The following GABRA1 variants were observed in gnomAD, a reference collection of about 807,000 sequenced individuals.
GABRA1 encodes the protein gamma-aminobutyric acid receptor subunit alpha-1.
A neutral mutation model predicts 48.9 loss-of-function variants in GABRA1; 9 were observed. The ratio of observed to expected loss-of-function variants is 0.18; its 90% CI spans 0.11 to 0.32. GABRA1 has a LOEUF of 0.32. Among genes scored for constraint, GABRA1 ranks in the 10% least tolerant of loss-of-function variants. The pLI, the probability that GABRA1 is intolerant of heterozygous loss-of-function variation, is 1.00. For missense variants in GABRA1, 285 were observed against 553.8 expected (o/e 0.51, Z 4.87); for synonymous variants, 210 against 198.7 (o/e 1.06, Z -0.48).
intron 9 of GABRA1, 33 bp downstream of exon 9, chr5:161,895,901 A>G (rs1418471471): frequency 6.5e-7 from 1 of 1,542,378 alleles, no homozygotes; most frequent in Non-Finnish European, 9.0e-7. Flanking sequence ...TAGTACATCA[A>G]TATTATGTCT....
At chr5:161,894,536 T>G (rs767700379) in intron 8 of GABRA1, among the ~76,000 whole-genome samples, 7 of 152,158 alleles carry the variant, frequency 4.6e-5, no homozygotes, top group Non-Finnish European at 1.0e-4. Flanking sequence ...TCCTACAGGT[T>G]AAATCACTTA....
chr5:161,892,939 G>A (rs1255874883), intron 8 of GABRA1, among the ~76,000 whole-genome samples: 1 of 151,056 alleles, frequency 6.6e-6, no homozygotes, highest in East Asian at 1.9e-4. Flanking sequence ...TGGAGGTGCA[G>A]CTAGCAGTGA....
At chr5:161,882,466 T>C (rs1754658110) in intron 6 of GABRA1, 92 bp from the exon 7 acceptor site, 2 of 1,204,608 alleles carry the variant, frequency 1.7e-6, no homozygotes, top group Non-Finnish European at 2.5e-6. Flanking sequence ...GGAACCATGA[T>C]ATAGAAAATA....
chr5:161,884,886 C>A (rs1754776658), intron 7 of GABRA1, among the ~76,000 whole-genome samples: 1 of 152,100 alleles, frequency 6.6e-6, no homozygotes, highest in East Asian at 1.9e-4. Context: ...GAGGCTTAGT[C>A]AAAATAATGG....
chr5:161,874,908 T>C lies in GABRA1; in HGVS notation c.477-652T>C, dbSNP rs1400051569. Among the ~76,000 whole-genome samples, 4 of 152,072 alleles carry C rather than the reference T, an allele frequency of 2.6e-5. 1 individual carries two copies. The East Asian group carries it at 7.7e-4, about 29-fold the overall frequency. On this transcript the variant is annotated intron_variant, in intron 5 of 9. Coordinates refer to ENST00000393943, the MANE Select transcript of GABRA1 (RefSeq NM_001127644.2). ...AAAAAAAAACAAAACAAAACAAGAATAGATTTCACATCCACAGAACATCCC... is the reference window on the plus strand; with the variant it reads ...AAAAAAAAACAAAACAAAACAAGAACAGATTTCACATCCACAGAACATCCC...
At chr5:161,868,338 C>T (rs1370173352) in intron 4 of GABRA1, among the ~76,000 whole-genome samples, 2 of 152,016 alleles carry the variant, frequency 1.3e-5, no homozygotes, top group Admixed American at 1.3e-4. Flanking sequence ...TGGAAGAGCA[C>T]AGGAGAATTT....
chr5:161,852,671 C>A (rs1167773137), intron 2 of GABRA1, among the ~76,000 whole-genome samples: 1 of 151,642 alleles, frequency 6.6e-6, no homozygotes, highest in Non-Finnish European at 1.5e-5. Context: ...TTTAATTTTG[C>A]CAAAAGAGAG....
intron 3 of GABRA1, among the ~76,000 whole-genome samples, chr5:161,859,784 C>G (rs1757782165): frequency 6.6e-6 from 1 of 151,732 alleles, no homozygotes; most frequent in Admixed American, 6.6e-5. Flanking sequence ...TAATTTCAGT[C>G]ACAAAGTGAT....
At chr5:161,888,824 T>G (rs989659788) in intron 7 of GABRA1, among the ~76,000 whole-genome samples, 8 of 152,022 alleles carry the variant, frequency 5.3e-5, no homozygotes, top group Non-Finnish European at 1.2e-4. Flanking sequence ...AATAAGAAAT[T>G]AATCTGGTAA....
chr5:161,862,092 CCTCCATTTTTTTTATTACAGTCA>C (rs1757884074), intron 3 of GABRA1, among the ~76,000 whole-genome samples: 1 of 151,866 alleles, frequency 6.6e-6, no homozygotes, highest in African/African-American at 2.4e-5. Context: ...TTCATTCCCT[CCTCCATTTTTTTTATTACAGTCA>C]CTCTTGCATT....
At position 161,850,869 on chromosome 5, in the gene GABRA1, C is replaced by T. The variant is rs756553428; in HGVS notation, c.59C>T (p.Thr20Ile). 7.4e-6 allele frequency: 12 copies of T among 1,613,730 alleles called. No homozygotes were observed. In the Admixed American group the frequency reaches 1.8e-4, roughly 25 times the overall value. Residue 20 changes from threonine (T) to isoleucine (I), a missense_variant, in exon 2 of 10, where the codon ACA becomes ATA. Thr to Ile is a moderately conservative substitution (Grantham distance 89). Coordinates refer to ENST00000393943, the MANE Select transcript of GABRA1 (RefSeq NM_001127644.2). ...CLWAWILLLS[T>I]LTGRSYGQPS... ...TGGGCCTGGATCCTCCTTCTGAGCACACTGACTGGAAGAAGGTGGGGACAC... is the reference window on the plus strand; with the variant it reads ...TGGGCCTGGATCCTCCTTCTGAGCATACTGACTGGAAGAAGGTGGGGACAC...
rs1184870563 is a variant in GABRA1, at chr5:161,898,882, A to G, written c.*1460A>G. ...TACAGAAAATAGCTTTTATTGAGTA[A>G]TATTACATTTCATTTATACTGTAGC... On this transcript the variant is annotated 3_prime_UTR_variant, in exon 10 of 10. Transcript: ENST00000393943. 6.6e-6 allele frequency: 1 copy of G among 152,578 alleles called. No homozygotes were observed. The highest frequency in any genetic ancestry group is 1.5e-5 in the Non-Finnish European group (1 of 67,994). 9.5% of individuals were successfully genotyped at this position (152,578 alleles called of 1,614,324 possible). A position where few individuals can be genotyped will look rare whatever the true frequency, so the allele number is the denominator to read the frequency against.
At chr5:161,874,149 T>G (rs935230335) in intron 5 of GABRA1, among the ~76,000 whole-genome samples, 1 of 152,148 alleles carries the variant, frequency 6.6e-6, no homozygotes, top group African/African-American at 2.4e-5. Flanking sequence ...AATTATTTCT[T>G]TGGTACAAAA....
In GABRA1 at chr5:161,865,766, G is replaced by A; in HGVS notation, c.233G>A (p.Gly78Glu). 6.2e-7 allele frequency: 1 copy of A among 1,612,814 alleles called. No homozygotes were observed. The highest frequency in any genetic ancestry group is 8.5e-7 in the Non-Finnish European group (1 of 1,179,114). ...ACTGATATCTTCGTCACCAGTTTCG[G>A]ACCCGTTTCAGACCATGATATGGTA... Reference protein sequence around the residue: ...VKTDIFVTSFGPVSDHDMEYT... With the variant: ...VKTDIFVTSFEPVSDHDMEYT... Residue 78 changes from glycine (G) to glutamate (E), a missense_variant, in exon 4 of 10, where the codon GGA becomes GAA. Gly to Glu is a moderately conservative substitution (Grantham distance 98). Around this residue, in one of 6 missense-constraint regions of GABRA1, gnomAD observed 105 missense variants for 267.4 expected, o/e 0.39. Coordinates refer to ENST00000393943, the MANE Select transcript of GABRA1 (RefSeq NM_001127644.2).
intron 3 of GABRA1, among the ~76,000 whole-genome samples, chr5:161,861,913 A>G (rs1757873790): frequency 6.6e-6 from 1 of 151,888 alleles, no homozygotes; most frequent in South Asian, 2.1e-4. Flanking sequence ...AATAGACACA[A>G]AATAGCTTAA....
At chr5:161,890,468 G>A (rs1184725382) in intron 7 of GABRA1, among the ~76,000 whole-genome samples, 4 of 152,030 alleles carry the variant, frequency 2.6e-5, no homozygotes, top group African/African-American at 9.7e-5. Flanking sequence ...TGATGTACAC[G>A]CCAAAGCTTC....
intron 6 of GABRA1, among the ~76,000 whole-genome samples, chr5:161,877,269 C>T (rs1388183619): frequency 1.3e-5 from 2 of 152,124 alleles, no homozygotes; most frequent in African/African-American, 2.4e-5. Context: ...ATAATTCCCC[C>T]TTTTATCTTA....
chr5:161,897,002 A>C, intron 9 of GABRA1, 109 bp from the exon 10 acceptor site: 1 of 925,480 alleles, frequency 1.1e-6, no homozygotes. Flanking sequence ...TTAAATTCCT[A>C]AATAAGGCAC....
intron 4 of GABRA1, among the ~76,000 whole-genome samples, chr5:161,867,835 A>G (rs989171813): frequency 6.6e-6 from 1 of 152,140 alleles, no homozygotes; most frequent in Non-Finnish European, 1.5e-5. Context: ...TGTATTGACT[A>G]TAAAATACCT....
Sources: allele counts gnomAD v4.1 joint callset (sites outside exome capture counted in the v4.1 genomes callset), GRCh38; gene constraint gnomAD v4.1.1; regional missense constraint gnomAD v4.1.1; transcripts MANE v1.5; gene names NCBI Gene and HGNC (gene_info 2026-07-23, HGNC 2026-07-21).